Variants in ZNF324B observed in about 807,000 individuals in gnomAD.
ZNF324B encodes zinc finger protein 324B.
Under a neutral mutation model 10.6 loss-of-function variants are expected in ZNF324B, and 7 were observed. That is an observed-to-expected ratio of 0.66 (90% CI 0.38 to 1.24). The LOEUF (loss-of-function observed/expected upper bound fraction) is 1.24, where lower values mean the gene tolerates loss of function less well. Ranked by LOEUF, ZNF324B falls within the 50% of genes most tolerant of loss-of-function variation. The pLI, the probability that ZNF324B is intolerant of heterozygous loss-of-function variation, is 0.02. For missense variants in ZNF324B, 640 were observed against 764.7 expected, an observed-to-expected ratio of 0.84 and a Z score of 1.92; for synonymous variants, 316 against 321.0, an observed-to-expected ratio of 0.98 and a Z score of 0.17.
At chr19:58,453,882 C>A (rs2052886875) in intron 2 of ZNF324B, 60 bp downstream of exon 2, 1 of 1,578,158 alleles carries the variant, frequency 6.3e-7, no homozygotes, top group Non-Finnish European at 8.6e-7. Context: ...TGCCTCTTCA[C>A]TTCCCTCCTG....
upstream of ZNF324B, among the ~76,000 whole-genome samples, chr19:58,449,273 T>C (rs1435364962): frequency 6.6e-6 from 1 of 152,216 alleles, no homozygotes; most frequent in Non-Finnish European, 1.5e-5. Flanking sequence ...TGTATGGAAA[T>C]GCCCAGATTT....
chr19:58,447,075 A>T (rs913626437), upstream of ZNF324B, among the ~76,000 whole-genome samples: 2 of 151,888 alleles, frequency 1.3e-5, no homozygotes, highest in African/African-American at 2.4e-5. Context: ...TCCCGGTTTC[A>T]AGCAATTCTT....
chr19:58,427,952 A>G, the ZNF324B span, among the ~76,000 whole-genome samples: 31 of 152,190 alleles, frequency 2.0e-4, no homozygotes, highest in Admixed American at 6.5e-4. Context: ...TGTGTCTTAC[A>G]TATTGGAGAC....
chr19:58,427,648 C>G, the ZNF324B span, among the ~76,000 whole-genome samples: 1 of 150,878 alleles, frequency 6.6e-6, no homozygotes, highest in East Asian at 2.0e-4. Flanking sequence ...AGCTACCGCG[C>G]CCAGCCTTTT....
At chr19:58,439,948 C>T in the ZNF324B span, 21 of 982,108 alleles carry the variant, frequency 2.1e-5, no homozygotes, top group East Asian at 2.3e-4. Flanking sequence ...ACCGCAGGGA[C>T]GAAGGCTGGG....
chr19:58,442,972 C>T, the ZNF324B span: 1 of 152,178 alleles, frequency 6.6e-6, no homozygotes, highest in East Asian at 1.9e-4. Context: ...GCCCTGCCCA[C>T]ATCCTGCTGA....
At chr19:58,447,871 A>G (rs1440326842), upstream of ZNF324B, among the ~76,000 whole-genome samples, 1 of 152,202 alleles carries the variant, frequency 6.6e-6, no homozygotes, top group African/African-American at 2.4e-5. Flanking sequence ...GTGGTAGTGA[A>G]TAAGTCTCAA....
At chr19:58,454,854 A>G (rs1224046721) in intron 3 of ZNF324B, 3 of 534,456 alleles carry the variant, frequency 5.6e-6, no homozygotes, top group East Asian at 3.4e-5. Context: ...CCAGGGGAGA[A>G]GGGAGTGAGC....
the ZNF324B span, chr19:58,435,365 T>A: frequency 1.2e-6 from 1 of 833,908 alleles, no homozygotes; most frequent in African/African-American, 1.7e-5. Flanking sequence ...GAAGGGCCCA[T>A]TACTATTGGC....
the ZNF324B span, among the ~76,000 whole-genome samples, chr19:58,427,449 T>TTCC: frequency 3.6e-3 from 196 of 54,724 alleles, 4 homozygotes; most frequent in Non-Finnish European, 4.6e-3. Flanking sequence ...CTTCCTTTCC[T>TTCC]TTCCCTTCCT....
Position 58,456,237 on chromosome 19 carries a change from C to T in ZNF324B, c.1293C>T (p.Gly431=), listed in dbSNP as rs372267816. 6.2e-7 allele frequency: 1 copy of T among 1,612,972 alleles called. No homozygotes were observed. Among genetic ancestry groups the T allele is most frequent in the African/African-American group, 1.3e-5 (1 of 74,942 alleles). Residue 431 remains glycine (G), a synonymous_variant, in exon 4 of 4, where the codon GGC becomes GGT. Coordinates refer to ENST00000336614, the MANE Select transcript of ZNF324B (RefSeq NM_207395.3). This position sits in a 1 kb window ranked among gnomAD's most constrained non-coding sequence, Gnocchi z 4.7. ...AGCCCTTCGCCTGCGCCCAGTGCGG[C>T]CGCTCCTTTAGCCGCAGCTCCAACC... is the stretch of plus-strand genomic sequence containing the variant. ...GEKPFACAQC[G]RSFSRSSNLT...
chr19:58,432,134 G>A, the ZNF324B span, among the ~76,000 whole-genome samples: 1 of 152,196 alleles, frequency 6.6e-6, no homozygotes, highest in Non-Finnish European at 1.5e-5. Context: ...GTGAAGGCAT[G>A]AAGTGTGTGT....
the ZNF324B span, among the ~76,000 whole-genome samples, chr19:58,425,659 C>T: frequency 4.0e-5 from 6 of 151,292 alleles, no homozygotes; most frequent in South Asian, 2.1e-4. Flanking sequence ...TTAATAGAAA[C>T]GCCGTTTCAC....
At chr19:58,437,329 C>T in the ZNF324B span, 164 of 1,217,322 alleles carry the variant, frequency 1.3e-4, 1 homozygote, top group Admixed American at 2.8e-4. Flanking sequence ...CCTCTCAGTC[C>T]ACCCACTACT....
chr19:58,450,249 A>G (rs2052845893), upstream of ZNF324B, among the ~76,000 whole-genome samples: 1 of 152,108 alleles, frequency 6.6e-6, no homozygotes, highest in Non-Finnish European at 1.5e-5. Context: ...AGTCCACTAA[A>G]CCTCTTTTTC....
At chr19:58,433,476 C>T in the ZNF324B span, 7 of 1,614,092 alleles carry the variant, frequency 4.3e-6, no homozygotes, top group Admixed American at 1.7e-5. Flanking sequence ...ACTGGATGCA[C>T]TCATAGGGCC....
At chr19:58,422,025 C>T in the ZNF324B span, among the ~76,000 whole-genome samples, 29,914 of 152,092 alleles carry the variant, frequency 0.2, 3,074 homozygotes, top group Non-Finnish European at 0.22. Context: ...TCAAGCGATT[C>T]GCCTGCCTCA....
the ZNF324B span, chr19:58,441,147 T>C: frequency 6.6e-6 from 1 of 152,086 alleles, no homozygotes; most frequent in African/African-American, 2.4e-5. Context: ...GTGGAGAGCG[T>C]AAGAGGAGTC....
the ZNF324B span, among the ~76,000 whole-genome samples, chr19:58,438,228 C>A: frequency 3.9e-3 from 592 of 152,330 alleles, 8 homozygotes; most frequent in African/African-American, 0.013. Flanking sequence ...TCAGGAGGCT[C>A]AGCCACTATC....
Sources: gnomAD v4.1 joint callset for allele counts (sites outside exome capture counted in the v4.1 genomes callset) on GRCh38, gnomAD v4.1.1 for gene constraint, Gnocchi (gnomAD v3.1) non-coding constraint, MANE v1.5 for transcripts, NCBI Gene and HGNC (gene_info 2026-07-23, HGNC 2026-07-21) for gene names.